HMX1: variants seen among roughly 807,000 people sequenced by gnomAD.
HMX1 encodes homeobox protein HMX1.
A neutral mutation model predicts 8.9 loss-of-function variants in HMX1; 8 were observed. That is an observed-to-expected ratio of 0.90 (90% CI 0.53 to 1.63). The LOEUF is 1.63. Ranked by LOEUF, HMX1 falls within the 40% of genes most tolerant of loss-of-function variation. HMX1 has a pLI of 0.00. For synonymous variants in HMX1, 311 were observed against 283.4 expected (o/e 1.10, Z -0.98); for missense variants, 621 against 558.5 (o/e 1.11, Z -1.13).
rs775097269 is a variant in HMX1 at position 8,870,222 on chromosome 4, G to A, written c.394+999C>T. Among the ~76,000 whole-genome samples the A allele has an allele frequency of 9.9e-5, 15 of 152,130 alleles. No individual in the cohort carries two copies. Among genetic ancestry groups the A allele is most frequent in the Non-Finnish European group, 2.1e-4 (14 of 68,020 alleles). ...GGCCTCAAGGTCCAAAGGCTGTGTT[G>A]GGGGTGGGGGGCTGGCTAAGCCAGG... On this transcript the variant is annotated intron_variant, in intron 1 of 1. Transcript: ENST00000400677. This position sits in a 1 kb window ranked among gnomAD's most constrained non-coding sequence, Gnocchi z 4.4.
At chr4:8,856,594 T>C (rs971971385) in intron 1 of HMX1, among the ~76,000 whole-genome samples, 19 of 152,182 alleles carry the variant, frequency 1.2e-4, no homozygotes, top group African/African-American at 4.3e-4. Context: ...GGGTGGTGGC[T>C]ACACGGGTGT....
intron 1 of HMX1, among the ~76,000 whole-genome samples, chr4:8,854,211 G>T: frequency 6.6e-6 from 1 of 152,220 alleles, no homozygotes; most frequent in East Asian, 1.9e-4. Context: ...CACCTCCAGG[G>T]AAGTGCTCAG....
Position 8,871,508 on chromosome 4 carries a change from G to T in HMX1, c.107C>A (p.Thr36Asn). Reference protein sequence around the residue: ...AAEAKGAGRATQGDGSREDEE... With the variant: ...AAEAKGAGRANQGDGSREDEE... ...GTCCTCCCGGCTGCCGTCGCCCTGG[G>T]TCGCGCGCCCTGCGCCCTTGGCCTC... The change falls in exon 1 of 2, where the codon ACC becomes AAC. Residue 36 changes from threonine to asparagine, a missense_variant. Transcript: ENST00000400677. This position sits in a 1 kb window ranked among gnomAD's most constrained non-coding sequence, Gnocchi z 4.8. The T allele has an allele frequency of 7.5e-7, 1 of 1,340,432 alleles. No individual in the cohort carries two copies. Among genetic ancestry groups the T allele is most frequent in the South Asian group, 1.7e-5 (1 of 59,504 alleles). 83.0% of individuals were successfully genotyped at this position (1,340,432 alleles called of 1,614,324 possible).
At chr4:8,862,967 C>A (rs923416374), downstream of HMX1, among the ~76,000 whole-genome samples, 1 of 152,276 alleles carries the variant, frequency 6.6e-6, no homozygotes, top group East Asian at 1.9e-4. Flanking sequence ...CCGTTTCCCT[C>A]CAGGGCAGTC....
At chr4:8,857,963 G>A (rs1187057359) in intron 1 of HMX1, among the ~76,000 whole-genome samples, 3 of 152,134 alleles carry the variant, frequency 2.0e-5, no homozygotes, top group African/African-American at 4.8e-5. Flanking sequence ...GGGAGAGGAG[G>A]CGGAGGAGGG....
At chr4:8,863,342 C>A (rs570738637), downstream of HMX1, among the ~76,000 whole-genome samples, 16 of 152,236 alleles carry the variant, frequency 1.1e-4, no homozygotes, top group Non-Finnish European at 2.1e-4. Flanking sequence ...GGGAGAGGCA[C>A]TGACAGAAAG....
chr4:8,850,299 A>G (rs1261037830), intron 1 of HMX1, among the ~76,000 whole-genome samples: 1 of 152,050 alleles, frequency 6.6e-6, no homozygotes, highest in Non-Finnish European at 1.5e-5. Flanking sequence ...ACAGTGTGGG[A>G]GTCCCAGGCA....
chr4:8,864,384 G>A (rs1453623951), downstream of HMX1, among the ~76,000 whole-genome samples: 1 of 152,182 alleles, frequency 6.6e-6, no homozygotes, highest in Non-Finnish European at 1.5e-5. Flanking sequence ...GCTCAGGGTG[G>A]CTGGAATCCG....
chr4:8,857,969 G>A (rs1003468069), intron 1 of HMX1, among the ~76,000 whole-genome samples: 16 of 152,164 alleles, frequency 1.1e-4, no homozygotes, highest in South Asian at 2.1e-4. Context: ...GGAGGCGGAG[G>A]AGGGGTGAAG....
chr4:8,864,841 C>A (rs1319077311), downstream of HMX1, among the ~76,000 whole-genome samples: 1 of 152,220 alleles, frequency 6.6e-6, no homozygotes, highest in African/African-American at 2.4e-5. Flanking sequence ...CCCTCCTTCC[C>A]ACCAGGGCAA....
At chr4:8,852,202 A>G (rs542218614) in intron 1 of HMX1, among the ~76,000 whole-genome samples, 1 of 152,366 alleles carries the variant, frequency 6.6e-6, no homozygotes, top group African/African-American at 2.4e-5. Flanking sequence ...AAGCCAATTT[A>G]GTGGCAATTT....
chr4:8,861,775 A>G (rs1339997856), intron 1 of HMX1, among the ~76,000 whole-genome samples: 1 of 152,240 alleles, frequency 6.6e-6, no homozygotes, highest in Non-Finnish European at 1.5e-5. Flanking sequence ...CCCCGGGATC[A>G]AGGCGCCCAT....
intron 1 of HMX1, among the ~76,000 whole-genome samples, chr4:8,857,965 G>C (rs1479227218): frequency 1.3e-5 from 2 of 152,142 alleles, no homozygotes; most frequent in Non-Finnish European, 2.9e-5. Context: ...GAGAGGAGGC[G>C]GAGGAGGGGT....
chr4:8,861,727 T>C lies in HMX1; in HGVS notation c.394+9494A>G, dbSNP rs185369402. Among the ~76,000 whole-genome samples, 1,002 of 152,320 alleles carry C rather than the reference T, an allele frequency of 6.6e-3. 13 individuals are homozygous for C. The highest frequency in any genetic ancestry group is 0.023 in the African/African-American group (965 of 41,568). The stretch of plus-strand genomic sequence containing the variant: ...CTGGGGCGCCGTCGTTCCAGGGGCC[T>C]CTGCGCCTCTCTCTGGCGTCTGTCT... On this transcript the variant is annotated intron_variant, in intron 1 of 1. Coordinates refer to the HMX1 transcript ENST00000506970.
At chr4:8,857,348 G>A (rs1195486053) in intron 1 of HMX1, among the ~76,000 whole-genome samples, 1 of 152,186 alleles carries the variant, frequency 6.6e-6, no homozygotes, top group Non-Finnish European at 1.5e-5. Context: ...TTCCCCTGGA[G>A]TGGCATTCTT....
At position 8,847,051 on chromosome 4, in the gene HMX1, G is replaced by A. The variant is rs763984563; in HGVS notation, c.395-727C>T. ...ACTCAGCTCCTGTCTCAAAGTGCCA[G>A]GCCCAGGGCTGCTGACACAGTGGCA... On this transcript the variant is annotated intron_variant, in intron 1 of 1. Coordinates refer to the HMX1 transcript ENST00000506970. The surrounding 1 kb of genome is among the most constrained non-coding windows in gnomAD (Gnocchi z 6.0). Among the ~76,000 whole-genome samples, 70 of 152,216 alleles carry A rather than the reference G, an allele frequency of 4.6e-4. No individual in the cohort carries two copies. Among genetic ancestry groups the A allele is most frequent in the Non-Finnish European group, 7.9e-4 (54 of 68,042 alleles).
chr4:8,868,056 C>A lies in HMX1; in HGVS notation c.684G>T (p.Leu228=). Residue 228 remains leucine (L), a synonymous_variant, in exon 2 of 2, where the codon CTG becomes CTT. Transcript: ENST00000400677. This position sits in a 1 kb window ranked among gnomAD's most constrained non-coding sequence, Gnocchi z 4.6. The part of the protein sequence containing the change: ...LESTFDLKRY[L]SSAERAGLAA... ...CCAGGCCGGCGCGCTCGGCGCTGCT[C>A]AGGTAGCGCTTCAGGTCGAAGGTGG... 1 of 1,541,840 alleles carries A rather than the reference C, an allele frequency of 6.5e-7. No homozygotes were observed. Among genetic ancestry groups the A allele is most frequent in the East Asian group, 2.5e-5 (1 of 39,674 alleles).
chr4:8,852,602 G>C (rs894835882), intron 1 of HMX1, among the ~76,000 whole-genome samples: 6 of 152,176 alleles, frequency 3.9e-5, no homozygotes, highest in African/African-American at 9.7e-5. Flanking sequence ...CTGAGCTCAC[G>C]GGAGTCAGCC....
intron 1 of HMX1, among the ~76,000 whole-genome samples, chr4:8,857,105 T>C (rs1721629609): frequency 6.6e-6 from 1 of 152,214 alleles, no homozygotes; most frequent in African/African-American, 2.4e-5. Context: ...ACTCTGGCTA[T>C]CTCCAGGTAG....
Sources: allele counts gnomAD v4.1 joint callset (sites outside exome capture counted in the v4.1 genomes callset), GRCh38; gene constraint gnomAD v4.1.1; non-coding constraint Gnocchi (gnomAD v3.1); transcripts MANE v1.5; gene names NCBI Gene and HGNC (gene_info 2026-07-23, HGNC 2026-07-21).